TRIM37: variants seen among roughly 807,000 people sequenced by gnomAD.
TRIM37 encodes the protein tripartite motif containing 37.
Under a neutral mutation model 129.8 loss-of-function variants are expected in TRIM37, and 80 were observed. The ratio of observed to expected loss-of-function variants is 0.62; its 90% CI spans 0.51 to 0.74. TRIM37 has a LOEUF of 0.74. Ranked by LOEUF, TRIM37 falls within the 30% of genes least tolerant of loss-of-function variation. The pLI is 0.00. For synonymous variants in TRIM37, 389 were observed against 387.1 expected, an observed-to-expected ratio of 1.00 and a Z score of -0.06; for missense variants, 1,054 against 1,176.5, an observed-to-expected ratio of 0.90 and a Z score of 1.52.
intron 13 of TRIM37, among the ~76,000 whole-genome samples, chr17:59,055,819 T>C (rs751942121): frequency 4.6e-5 from 7 of 152,028 alleles, no homozygotes; most frequent in Non-Finnish European, 1.0e-4. Flanking sequence ...AAATAACTAT[T>C]GGGTACTAGG....
chr17:59,070,802 A>C, intron 9 of TRIM37, 21 bp downstream of exon 9: 2 of 1,612,914 alleles, frequency 1.2e-6, no homozygotes, highest in Non-Finnish European at 1.7e-6. Flanking sequence ...AATGAAAATG[A>C]AATTAAAAAC....
downstream of TRIM37, among the ~76,000 whole-genome samples, chr17:58,996,045 CAT>C (rs2032957221): frequency 6.6e-6 from 1 of 152,008 alleles, no homozygotes; most frequent in African/African-American, 2.4e-5. Flanking sequence ...AAGGTATCTG[CAT>C]AGTTTCAAAG....
At chr17:58,996,833 T>C (rs2033067836), downstream of TRIM37, among the ~76,000 whole-genome samples, 1 of 151,714 alleles carries the variant, frequency 6.6e-6, no homozygotes, top group South Asian at 2.1e-4. Context: ...TGTATGTATA[T>C]ATATGTATAT....
chr17:59,079,961 A>G, intron 6 of TRIM37, 84 bp from the exon 7 acceptor site: 6 of 1,470,672 alleles, frequency 4.1e-6, no homozygotes, highest in South Asian at 1.2e-5. Flanking sequence ...CCAAGAATAG[A>G]TAATATGAAA....
intron 24 of TRIM37, among the ~76,000 whole-genome samples, chr17:58,990,178 CAAAAAAAAAAAA>C (rs35076409): frequency 5.5e-4 from 14 of 25,596 alleles, no homozygotes; most frequent in Admixed American, 2.4e-3. Context: ...GACCTTGTCT[CAAAAAAAAAAAA>C]AAAAAAAAAA....
chr17:59,041,350 GA>G (rs1417145063), intron 17 of TRIM37, among the ~76,000 whole-genome samples: 1 of 152,148 alleles, frequency 6.6e-6, no homozygotes, highest in African/African-American at 2.4e-5. Context: ...AGCTCTTTAA[GA>G]TCCTTCGTAA....
intron 2 of TRIM37, among the ~76,000 whole-genome samples, chr17:59,101,861 C>T (rs2045545220): frequency 6.7e-6 from 1 of 150,036 alleles, no homozygotes; most frequent in African/African-American, 2.4e-5. Context: ...ATCTCTTGAA[C>T]CTGGGAGGCG....
At chr17:59,036,447 G>GGTAT (rs1555656624) in intron 17 of TRIM37, among the ~76,000 whole-genome samples, 3 of 140,582 alleles carry the variant, frequency 2.1e-5, no homozygotes, top group Middle Eastern at 3.3e-3. Context: ...ATTTGCTGGG[G>GGTAT]GTGTGTGTGT....
intron 18 of TRIM37, 99 bp from the exon 19 acceptor site, chr17:59,028,822 G>A: frequency 1.5e-6 from 2 of 1,294,000 alleles, no homozygotes; most frequent in Admixed American, 3.6e-5. Context: ...AAATAAGCTA[G>A]CGTGCTTTAC....
At position 59,047,935 on chromosome 17, in the gene TRIM37, T is replaced by G. The variant is rs1167905468; in HGVS notation, c.1531-116A>C. On this transcript the variant is annotated intron_variant, in intron 15 of 23. Coordinates refer to ENST00000262294, the MANE Select transcript of TRIM37 (RefSeq NM_015294.6). ...ATAATACAGTTTTCAAAAATCTATT[T>G]TCTGCTCCTGTGCCTCAGCTGCTGA... The G allele has an allele frequency of 6.4e-6, 8 of 1,254,334 alleles. No homozygotes were observed. In the East Asian group the frequency reaches 2.0e-4, roughly 31 times the overall value. The allele number at this position is 1,254,334 out of a possible 1,614,324, so 77.7% of individuals were successfully genotyped here. A position where few individuals can be genotyped will look rare whatever the true frequency, so the allele number is the denominator to read the frequency against.
intron 10 of TRIM37, 38 bp from the exon 11 acceptor site, chr17:59,062,686 A>C (rs2041597101): frequency 2.5e-6 from 4 of 1,570,012 alleles, no homozygotes; most frequent in Middle Eastern, 1.7e-4. Flanking sequence ...CCAAGATCAA[A>C]ACTGTTGTGA....
chr17:59,063,818 C>G (rs1005070983), intron 10 of TRIM37, among the ~76,000 whole-genome samples: 2 of 152,194 alleles, frequency 1.3e-5, no homozygotes, highest in African/African-American at 4.8e-5. Context: ...GTCCAGCCCC[C>G]CACCTTAGTC....
At chr17:59,078,973 G>A (rs2146995989) in intron 7 of TRIM37, among the ~76,000 whole-genome samples, 1 of 148,866 alleles carries the variant, frequency 6.7e-6, no homozygotes. Context: ...TTTTTAAAAA[G>A]TTAAAAATAA....
At chr17:59,056,653 C>G (rs1307909803) in intron 13 of TRIM37, among the ~76,000 whole-genome samples, 1 of 125,660 alleles carries the variant, frequency 8.0e-6, no homozygotes, top group Non-Finnish European at 1.6e-5. Flanking sequence ...TGGCGTGAAC[C>G]CGGGAGGCGG....
At chr17:59,064,323 AC>A (rs2041751417) in intron 10 of TRIM37, 31 bp downstream of exon 10, 2 of 1,559,578 alleles carry the variant, frequency 1.3e-6, no homozygotes, top group African/African-American at 2.7e-5. Context: ...ATATACACAT[AC>A]AAAAAAACCA....
chr17:59,067,695 C>A (rs1232708166), intron 9 of TRIM37, among the ~76,000 whole-genome samples: 1 of 152,150 alleles, frequency 6.6e-6, no homozygotes, highest in Non-Finnish European at 1.5e-5. Flanking sequence ...CACCACCACA[C>A]CCGGCTAATT....
Position 59,015,761 on chromosome 17 carries a change from A to C in TRIM37, c.2425T>G (p.Ser809Ala). ...CTGCCATGTATCAAGGCTCGGGGAGAACTGTGCCTGCTCCCAGACTGAGAG... is the reference window on the plus strand; with the variant it reads ...CTGCCATGTATCAAGGCTCGGGGAGCACTGTGCCTGCTCCCAGACTGAGAG... ...GSSQSGSRHSSPRALIHGSIG... is the reference protein window; with the variant it reads ...GSSQSGSRHSAPRALIHGSIG... The change falls in exon 21 of 24, where the codon TCT (serine) becomes GCT (alanine). Residue 809 changes from serine to alanine, a missense_variant. Physicochemically the swap from Ser to Ala is moderately conservative, Grantham distance 99. This residue lies in a region of TRIM37 where 287 missense variants were observed against 274.3 expected (regional missense o/e 1.05). Coordinates refer to ENST00000262294, the MANE Select transcript of TRIM37 (RefSeq NM_015294.6). 6.2e-7 allele frequency: 1 copy of C among 1,613,698 alleles called. No individual in the cohort carries two copies. Among genetic ancestry groups the C allele is most frequent in the Non-Finnish European group, 8.5e-7 (1 of 1,179,978 alleles).
chr17:58,997,250 G>A (rs1036821228), downstream of TRIM37, among the ~76,000 whole-genome samples: 1 of 152,040 alleles, frequency 6.6e-6, no homozygotes, highest in Non-Finnish European at 1.5e-5. Context: ...GAGGGTATAC[G>A]GAAACTCTTG....
intron 2 of TRIM37, among the ~76,000 whole-genome samples, chr17:59,095,521 A>T (rs2044768638): frequency 6.6e-6 from 1 of 152,188 alleles, no homozygotes; most frequent in Non-Finnish European, 1.5e-5. Context: ...TTTTAGCTAT[A>T]AGAGAAAACA....
Sources: gnomAD v4.1 joint callset for allele counts (sites outside exome capture counted in the v4.1 genomes callset) on GRCh38, gnomAD v4.1.1 for gene constraint, gnomAD v4.1.1 regional missense constraint, MANE v1.5 for transcripts, NCBI Gene and HGNC (gene_info 2026-07-23, HGNC 2026-07-21) for gene names.